Variants in DNAH8 observed in about 807,000 individuals in gnomAD.
DNAH8 encodes the protein axonemal beta dynein heavy chain 8.
Under a neutral mutation model 562.1 loss-of-function variants are expected in DNAH8, and 382 were observed. The ratio of observed to expected loss-of-function variants is 0.68; its 90% CI spans 0.63 to 0.74. DNAH8 has a LOEUF of 0.74. Among genes scored for constraint, DNAH8 ranks in the 30% least tolerant of loss-of-function variants. The pLI is 0.00. For synonymous variants in DNAH8, 1,881 were observed against 1,919.4 expected (o/e 0.98, Z 0.52); for missense variants, 5,203 against 5,620.4 (o/e 0.93, Z 2.37).
intron 57 of DNAH8, among the ~76,000 whole-genome samples, chr6:38,888,459 G>A (rs1047429903): frequency 2.0e-5 from 3 of 152,134 alleles, no homozygotes; most frequent in Admixed American, 1.3e-4. Context: ...AAGCCTCAAA[G>A]TGGAAGAAAA....
chr6:38,958,930 A>C (rs1251981684), intron 82 of DNAH8, among the ~76,000 whole-genome samples: 1 of 152,196 alleles, frequency 6.6e-6, no homozygotes, highest in African/African-American at 2.4e-5. Flanking sequence ...AGTGCTCCGA[A>C]AGATCATTCA....
chr6:38,863,898 C>A lies in DNAH8; in HGVS notation c.6336C>A (p.Gly2112=). 6.2e-7 allele frequency: 1 copy of A among 1,600,052 alleles called. No individual in the cohort carries two copies. The highest frequency in any genetic ancestry group is 8.5e-7 in the Non-Finnish European group (1 of 1,176,814). The change falls in exon 45 of 93, where the codon GGC becomes GGA. Residue 2112 remains glycine (G), a synonymous_variant. Coordinates refer to ENST00000327475, the MANE Select transcript of DNAH8 (RefSeq NM_001206927.2). ...GTCTTGCACAGTCGGGTTCCTGGGG[C>A]TGTTTTGATGAGTTTAACAGAATTG... ...FKGLAQSGSW[G]CFDEFNRIEL...
At chr6:38,995,760 A>G (rs540476492) in intron 88 of DNAH8, among the ~76,000 whole-genome samples, 1 of 152,350 alleles carries the variant, frequency 6.6e-6, no homozygotes, top group African/African-American at 2.4e-5. Context: ...ATTGTTACAG[A>G]AGTGTGGACA....
At chr6:38,850,477 A>G in intron 38 of DNAH8, 63 bp downstream of exon 38, 2 of 1,400,292 alleles carry the variant, frequency 1.4e-6, no homozygotes, top group South Asian at 1.3e-5. Flanking sequence ...TCCCAAACTT[A>G]CTAGTATTGA....
intron 9 of DNAH8, among the ~76,000 whole-genome samples, chr6:38,752,677 TA>T (rs2127597098): frequency 6.6e-6 from 1 of 152,204 alleles, no homozygotes; most frequent in African/African-American, 2.4e-5. Flanking sequence ...GAAGGAGGTG[TA>T]AAGGCAGTTT....
At chr6:38,937,841 G>C in intron 77 of DNAH8, 133 bp from the exon 78 acceptor site, 3 of 1,051,742 alleles carry the variant, frequency 2.9e-6, no homozygotes, top group Non-Finnish European at 4.1e-6. Flanking sequence ...AGATTCTACT[G>C]TACCAGTAGT....
intron 23 of DNAH8, among the ~76,000 whole-genome samples, chr6:38,806,788 AAAT>A (rs1375336468): frequency 4.7e-4 from 65 of 137,522 alleles, no homozygotes; most frequent in Admixed American, 3.3e-3. Flanking sequence ...CTCAAAAAAA[AAAT>A]AATAATAATA....
intron 26 of DNAH8, among the ~76,000 whole-genome samples, chr6:38,818,933 T>TA (rs1772567350): frequency 6.6e-6 from 1 of 152,216 alleles, no homozygotes; most frequent in South Asian, 2.1e-4. Flanking sequence ...GTAATTGTGA[T>TA]ATAAGGAAAT....
chr6:38,909,641 G>A lies in DNAH8; in HGVS notation c.9637G>A (p.Asp3213Asn), dbSNP rs959402323. 1 of 1,614,114 alleles carries A rather than the reference G, an allele frequency of 6.2e-7. No individual in the cohort carries two copies. Among genetic ancestry groups the A allele is most frequent in the Admixed American group, 1.7e-5 (1 of 60,010 alleles). The change falls in exon 65 of 93, where the codon GAC (aspartate) becomes AAC (asparagine). Residue 3213 changes from aspartate to asparagine, a missense_variant. Coordinates refer to ENST00000327475, the MANE Select transcript of DNAH8 (RefSeq NM_001206927.2). ...LIAVASYFLSDYNIVCSSEIK... is the reference protein window; with the variant it reads ...LIAVASYFLSNYNIVCSSEIK... Reference sequence around the variant, plus strand: ...TGCTGTGGCCTCCTACTTCCTTTCAGACTATAATATTGTCTGCTCTAGTGA... The same window carrying A: ...TGCTGTGGCCTCCTACTTCCTTTCAAACTATAATATTGTCTGCTCTAGTGA...
At chr6:38,818,215 A>G (rs1265375160) in intron 26 of DNAH8, among the ~76,000 whole-genome samples, 1 of 152,114 alleles carries the variant, frequency 6.6e-6, no homozygotes, top group Non-Finnish European at 1.5e-5. Context: ...AATCCATACA[A>G]GAAGATCAGT....
At position 38,737,863 on chromosome 6, in the gene DNAH8, A is replaced by C. The variant is rs111566149; in HGVS notation, c.1007A>C (p.Asn336Thr). The C allele has an allele frequency of 5.4e-5, 85 of 1,587,562 alleles. 5 individuals are homozygous for C. The African/African-American group carries it at 6.2e-4, about 12-fold the overall frequency. The change falls in exon 7 of 93, where the codon AAT (asparagine) becomes ACT (threonine). Residue 336 changes from asparagine (N) to threonine (T), a missense_variant. Physicochemically the swap from Asn to Thr is moderately conservative, Grantham distance 65. Transcript: ENST00000327475. ...AAGTTAAAGACAATAGACAATGTTA[A>C]TTTTTCCAAACTGCACACCTTTGAA... ...TVKLKTIDNV[N>T]FSKLHTFEEV...
At chr6:38,839,368 T>C (rs1774578958) in intron 33 of DNAH8, among the ~76,000 whole-genome samples, 2 of 151,904 alleles carry the variant, frequency 1.3e-5, no homozygotes, top group South Asian at 4.2e-4. Context: ...TTTTTTTTGT[T>C]TGTTTTGTTT....
At chr6:38,935,436 G>C (rs1464793625) in intron 76 of DNAH8, among the ~76,000 whole-genome samples, 156 bp from the exon 77 acceptor site, 5 of 152,292 alleles carry the variant, frequency 3.3e-5, no homozygotes, top group East Asian at 3.9e-4. Context: ...CAAAAATATG[G>C]ATAGATAGAT....
In DNAH8 at chr6:38,826,394, A is replaced by T; in HGVS notation, c.4083+3A>T. 1 of 1,565,796 alleles carries T rather than the reference A, an allele frequency of 6.4e-7. No homozygotes were observed. Among genetic ancestry groups the T allele is most frequent in the Non-Finnish European group, 8.7e-7 (1 of 1,154,810 alleles). ...ACATGACTTTGGGACCAATTGAAGT[A>T]AGAAATGATTGCATTTTTTTTTCTT... On this transcript the variant is annotated splice_donor_region_variant and intron_variant, in intron 29 of 92. Transcript: ENST00000327475.
intron 87 of DNAH8, 36 bp downstream of exon 87, chr6:38,984,343 A>G (rs989038119): frequency 7.3e-7 from 1 of 1,363,856 alleles, no homozygotes; most frequent in South Asian, 1.2e-5. Context: ...TTGGAGACAC[A>G]TTTCACTGTA....
At chr6:38,746,463 A>G (rs1420002957) in intron 8 of DNAH8, among the ~76,000 whole-genome samples, 1 of 152,176 alleles carries the variant, frequency 6.6e-6, no homozygotes, top group East Asian at 1.9e-4. Context: ...ATTGGAGAGT[A>G]GTATTTAGGA....
chr6:38,817,513 G>T (rs1416338379), intron 26 of DNAH8, among the ~76,000 whole-genome samples: 3 of 152,282 alleles, frequency 2.0e-5, no homozygotes, highest in Non-Finnish European at 4.4e-5. Flanking sequence ...AAAAATCTCA[G>T]GACTGGTCTA....
chr6:38,854,400 C>G (rs1009117195), intron 41 of DNAH8, among the ~76,000 whole-genome samples: 1 of 152,102 alleles, frequency 6.6e-6, no homozygotes, highest in African/African-American at 2.4e-5. Flanking sequence ...ATTTCTTCTC[C>G]AACTACTCCT....
Position 38,823,543 on chromosome 6 carries a change from G to T in DNAH8, c.3721-19G>T, listed in dbSNP as rs373163028. On this transcript the variant is annotated intron_variant, in intron 27 of 92. Coordinates refer to ENST00000327475, the MANE Select transcript of DNAH8 (RefSeq NM_001206927.2). ...TATACTGTTAAAAAATTAAAATATTGACTATTTTCTTACCACAGGAATTTT... is the reference window on the plus strand; with the variant it reads ...TATACTGTTAAAAAATTAAAATATTTACTATTTTCTTACCACAGGAATTTT... 19 of 1,567,138 alleles carry T rather than the reference G, an allele frequency of 1.2e-5. No homozygotes were observed. The highest frequency in any genetic ancestry group is 1.7e-5 in the Non-Finnish European group (19 of 1,143,578).
Sources: gnomAD v4.1 joint callset for allele counts (sites outside exome capture counted in the v4.1 genomes callset) on GRCh38, gnomAD v4.1.1 for gene constraint, MANE v1.5 for transcripts, NCBI Gene and HGNC (gene_info 2026-07-23, HGNC 2026-07-21) for gene names.